Variants in MILR1 observed in about 807,000 individuals in gnomAD.
MILR1 encodes allergin-1.
A neutral mutation model predicts 18.5 loss-of-function variants in MILR1; 31 were observed. The observed-to-expected ratio is 1.68, with a 90% CI of 1.26 to 2.26. The LOEUF (loss-of-function observed/expected upper bound fraction) is 2.26. Ranked by LOEUF, MILR1 falls within the 30% of genes most tolerant of loss-of-function variation. The probability of loss-of-function intolerance (pLI) is 0.00; values close to 1 mark genes in which losing one functional copy is unlikely to be tolerated. For missense variants in MILR1, 257 were observed against 157.4 expected (o/e 1.63, Z -3.38); for synonymous variants, 85 against 56.2 (o/e 1.51, Z -2.30).
chr17:64,486,373 TTAATA>T, the MILR1 span, among the ~76,000 whole-genome samples: 2 of 149,614 alleles, frequency 1.3e-5, no homozygotes, highest in South Asian at 4.2e-4. Flanking sequence ...TTTTTTTTTT[TTAATA>T]CAGACAGAGT....
At chr17:64,482,933 A>G in the MILR1 span, 7 of 1,587,988 alleles carry the variant, frequency 4.4e-6, no homozygotes, top group Non-Finnish European at 5.2e-6. Flanking sequence ...CTTAGTTCCA[A>G]TGTGGGGCCT....
downstream of MILR1, among the ~76,000 whole-genome samples, chr17:64,471,305 C>T (rs2037684239): frequency 6.6e-6 from 1 of 152,112 alleles, no homozygotes. Flanking sequence ...GCCCAAGAGC[C>T]TCTTCTCAGT....
chr17:64,493,272 G>T, the MILR1 span, among the ~76,000 whole-genome samples: 4 of 152,024 alleles, frequency 2.6e-5, no homozygotes, highest in Non-Finnish European at 5.9e-5. Flanking sequence ...ACAAAAATAA[G>T]CCAGGCATGG....
At chr17:64,488,493 A>G in the MILR1 span, among the ~76,000 whole-genome samples, 3 of 152,200 alleles carry the variant, frequency 2.0e-5, no homozygotes, top group African/African-American at 7.2e-5. Context: ...GCTTGAGCCC[A>G]GGAATTCAAG....
the MILR1 span, chr17:64,484,055 T>C: frequency 2.0e-5 from 3 of 152,240 alleles, no homozygotes; most frequent in African/African-American, 7.2e-5. Flanking sequence ...AACATTTTAA[T>C]GCCTCTGATA....
At chr17:64,453,179 C>T (rs888383726) in intron 3 of MILR1, among the ~76,000 whole-genome samples, 34 of 151,792 alleles carry the variant, frequency 2.2e-4, no homozygotes, top group African/African-American at 8.0e-4. Flanking sequence ...AGGCATTCTC[C>T]TGCCTCAGCC....
chr17:64,471,283 A>C (rs1343392382), downstream of MILR1, among the ~76,000 whole-genome samples: 3 of 152,114 alleles, frequency 2.0e-5, no homozygotes, highest in African/African-American at 7.2e-5. Context: ...GCCCACTGGA[A>C]TCTTCTGAAG....
the MILR1 span, among the ~76,000 whole-genome samples, chr17:64,489,361 T>TTA: frequency 9.0e-3 from 1,223 of 135,362 alleles, 9 homozygotes; most frequent in Middle Eastern, 0.015. Context: ...TGTTTTTTTT[T>TTA]AAAAAAAAAA....
intron 4 of MILR1, among the ~76,000 whole-genome samples, chr17:64,459,044 G>A (rs966056082): frequency 2.6e-5 from 4 of 152,230 alleles, no homozygotes; most frequent in African/African-American, 4.8e-5. Context: ...ATGCTGCCAC[G>A]TCCTGATGCC....
At chr17:64,486,356 TAACAC>T in the MILR1 span, among the ~76,000 whole-genome samples, 36 of 133,824 alleles carry the variant, frequency 2.7e-4, no homozygotes, top group South Asian at 8.7e-4. Flanking sequence ...TTCAGAAAGG[TAACAC>T]TTTTTTTTTT....
At chr17:64,458,850 G>A (rs1430833894) in intron 4 of MILR1, among the ~76,000 whole-genome samples, 1 of 152,060 alleles carries the variant, frequency 6.6e-6, no homozygotes. Flanking sequence ...TCATCCTCCC[G>A]AGGGTGGCCC....
At chr17:64,492,531 A>G in the MILR1 span, 1 of 642,006 alleles carries the variant, frequency 1.6e-6, no homozygotes, top group Non-Finnish European at 2.7e-6. Flanking sequence ...ATTGTTACAA[A>G]GAGTTTTTGT....
intron 8 of MILR1, 148 bp from the exon 9 acceptor site, chr17:64,467,417 T>G (rs1219981907): frequency 3.5e-6 from 2 of 575,110 alleles, no homozygotes; most frequent in Non-Finnish European, 6.1e-6. Context: ...AGCTAACATT[T>G]TCAAGAATAA....
rs993652097 is a variant in MILR1, at chr17:64,460,936, A to G, written c.763+4A>G. 1 of 474,296 alleles carries G rather than the reference A, an allele frequency of 2.1e-6. No homozygotes were observed. The highest frequency in any genetic ancestry group is 3.9e-6 in the Non-Finnish European group (1 of 258,338). 29.4% of individuals were successfully genotyped at this position (474,296 alleles called of 1,614,324 possible). A position where few individuals can be genotyped will look rare whatever the true frequency, so the allele number is the denominator to read the frequency against. On this transcript the variant is annotated splice_donor_region_variant and intron_variant, in intron 5 of 9. Transcript: ENST00000619286. ...GTACTGCCCAAATACAAAACAAGTA[A>G]GTTCTTTTAGTCGCTTTACCACCCG...
At chr17:64,495,243 G>A in the MILR1 span, among the ~76,000 whole-genome samples, 10 of 151,086 alleles carry the variant, frequency 6.6e-5, no homozygotes, top group African/African-American at 2.4e-4. Context: ...GAGGGTCATT[G>A]CTTCTAGGAA....
At chr17:64,468,137 G>A (rs1168195525) in intron 9 of MILR1, among the ~76,000 whole-genome samples, 173 bp from the exon 10 acceptor site, 3 of 151,986 alleles carry the variant, frequency 2.0e-5, no homozygotes, top group Non-Finnish European at 2.9e-5. Flanking sequence ...GTGGCTTAGA[G>A]CAACCATTTC....
At chr17:64,493,778 G>GC in the MILR1 span, among the ~76,000 whole-genome samples, 1 of 152,032 alleles carries the variant, frequency 6.6e-6, no homozygotes, top group Non-Finnish European at 1.5e-5. Context: ...GAGCCACCGC[G>GC]CCCGACAAAG....
chr17:64,482,899 T>C, the MILR1 span: 1 of 1,335,044 alleles, frequency 7.5e-7, no homozygotes, highest in Non-Finnish European at 1.1e-6. Context: ...TAAAATGACA[T>C]TTAAACTCAT....
At chr17:64,496,669 T>C in the MILR1 span, 5 of 1,613,500 alleles carry the variant, frequency 3.1e-6, no homozygotes, top group South Asian at 5.5e-5. Flanking sequence ...CGCCCAAGGG[T>C]CCGAAGCCGG....
Sources: allele counts gnomAD v4.1 joint callset (sites outside exome capture counted in the v4.1 genomes callset), GRCh38; gene constraint gnomAD v4.1.1; transcripts MANE v1.5; gene names NCBI Gene and HGNC (gene_info 2026-07-23, HGNC 2026-07-21).